The following MIPEP variants were observed in gnomAD, a reference collection of about 807,000 sequenced individuals.
MIPEP encodes the protein mitochondrial intermediate peptidase.
MIPEP carries 79 observed loss-of-function variants against 90.3 expected under a neutral mutation model. That is an observed-to-expected ratio of 0.87 (90% CI 0.73 to 1.05). MIPEP has a LOEUF of 1.05. Ranked by LOEUF, MIPEP falls within the 50% of genes least tolerant of loss-of-function variation. The pLI is 0.00. For synonymous variants in MIPEP, 334 were observed against 315.8 expected (o/e 1.06, Z -0.61); for missense variants, 940 against 905.6 (o/e 1.04, Z -0.49).
chr13:23,854,003 A>G (rs568179117), intron 10 of MIPEP, among the ~76,000 whole-genome samples: 1 of 152,228 alleles, frequency 6.6e-6, no homozygotes, highest in South Asian at 2.1e-4. Flanking sequence ...AAAACTGAAA[A>G]AAGAGACAAA....
chr13:23,865,920 C>T (rs886202531), intron 7 of MIPEP, among the ~76,000 whole-genome samples: 2 of 152,116 alleles, frequency 1.3e-5, no homozygotes, highest in African/African-American at 2.4e-5. Context: ...ATCTGCCTGC[C>T]TCAGCCTCCC....
In MIPEP at chr13:23,889,144, G is replaced by A. The variant is rs1389035870; in HGVS notation, c.177C>T (p.Phe59=). Residue 59 remains phenylalanine (F), a synonymous_variant, in exon 1 of 19, where the codon TTC becomes TTT. Transcript: ENST00000382172. ...VKPQGSRLDL[F]GERRGLFGVP... Reference sequence around the variant, plus strand: ...CTGCGCCGCTCACCCGGCGCTCGCCGAACAGGTCCAAGCGGCTGCCCTGGG... The same window carrying A: ...CTGCGCCGCTCACCCGGCGCTCGCCAAACAGGTCCAAGCGGCTGCCCTGGG... 3 of 1,439,160 alleles carry A rather than the reference G, an allele frequency of 2.1e-6. No homozygotes were observed. The highest frequency in any genetic ancestry group is 9.1e-7 in the Non-Finnish European group (1 of 1,097,216). 89.1% of individuals were successfully genotyped at this position (1,439,160 alleles called of 1,614,324 possible).
intron 11 of MIPEP, among the ~76,000 whole-genome samples, chr13:23,840,655 G>A (rs1869254070): frequency 6.6e-6 from 1 of 152,084 alleles, no homozygotes; most frequent in African/African-American, 2.4e-5. Context: ...CTCACAAGAC[G>A]TGGCCGAGAG....
At chr13:23,836,642 G>A (rs997794454) in intron 13 of MIPEP, among the ~76,000 whole-genome samples, 1 of 152,160 alleles carries the variant, frequency 6.6e-6, no homozygotes, top group Non-Finnish European at 1.5e-5. Flanking sequence ...AGCTATGCTG[G>A]CTATACATGA....
At chr13:23,775,780 G>A (rs982555595) in intron 16 of MIPEP, among the ~76,000 whole-genome samples, 1 of 152,096 alleles carries the variant, frequency 6.6e-6, no homozygotes, top group Non-Finnish European at 1.5e-5. Context: ...CAATCTCCAA[G>A]AATAAAGCAA....
At chr13:23,852,388 G>T (rs574393220) in intron 10 of MIPEP, among the ~76,000 whole-genome samples, 1 of 152,206 alleles carries the variant, frequency 6.6e-6, no homozygotes, top group Non-Finnish European at 1.5e-5. Context: ...AGACTGAGAT[G>T]ACATGAGGGC....
intron 14 of MIPEP, among the ~76,000 whole-genome samples, chr13:23,825,179 T>G (rs1330860628): frequency 6.6e-6 from 1 of 152,234 alleles, no homozygotes; most frequent in Non-Finnish European, 1.5e-5. Flanking sequence ...GGGGCCGGGC[T>G]CAGATCCATC....
At chr13:23,773,326 C>T (rs75164808) in intron 16 of MIPEP, among the ~76,000 whole-genome samples, 9,859 of 152,246 alleles carry the variant, frequency 0.065, 539 homozygotes, top group Middle Eastern at 0.092. Context: ...GACCAATTTT[C>T]CATTGAGTGG....
At chr13:23,833,219 T>A (rs2312559) in intron 14 of MIPEP, among the ~76,000 whole-genome samples, 39,325 of 152,112 alleles carry the variant, frequency 0.26, 6,389 homozygotes, top group African/African-American at 0.46. Flanking sequence ...TCCTTAAGGC[T>A]AGGACTGCAC....
chr13:23,736,596 G>A (rs760082344), intron 18 of MIPEP, among the ~76,000 whole-genome samples: 7 of 152,032 alleles, frequency 4.6e-5, no homozygotes, highest in Non-Finnish European at 1.0e-4. Context: ...GTCTTAAAAC[G>A]GCAGGGTTTC....
At chr13:23,819,615 T>C (rs1317368538) in intron 14 of MIPEP, among the ~76,000 whole-genome samples, 1 of 152,092 alleles carries the variant, frequency 6.6e-6, no homozygotes, top group Non-Finnish European at 1.5e-5. Context: ...TTCCAAAACA[T>C]CTAATCCCGA....
intron 5 of MIPEP, among the ~76,000 whole-genome samples, chr13:23,871,504 C>T (rs1333713661): frequency 6.6e-6 from 1 of 152,120 alleles, no homozygotes; most frequent in Non-Finnish European, 1.5e-5. Flanking sequence ...AGACAGGCTC[C>T]GCACTGGGCT....
intron 10 of MIPEP, among the ~76,000 whole-genome samples, chr13:23,855,389 AC>A (rs1195648186): frequency 5.3e-5 from 8 of 152,190 alleles, no homozygotes; most frequent in African/African-American, 1.9e-4. Context: ...AACATTAAAA[AC>A]TTGAAATAAA....
At chr13:23,784,693 G>A (rs1952818599) in intron 16 of MIPEP, among the ~76,000 whole-genome samples, 1 of 152,176 alleles carries the variant, frequency 6.6e-6, no homozygotes, top group South Asian at 2.1e-4. Flanking sequence ...CCATCAGAGT[G>A]AACAGGCAAC....
At chr13:23,792,287 T>C (rs1258609095) in intron 16 of MIPEP, among the ~76,000 whole-genome samples, 1 of 152,238 alleles carries the variant, frequency 6.6e-6, no homozygotes, top group Admixed American at 6.5e-5. Context: ...TACATCCAAC[T>C]ACCTATTTGA....
At position 23,839,625 on chromosome 13, in the gene MIPEP, A is replaced by C. The variant is rs781739227; in HGVS notation, c.1338+24T>G. 10 of 1,561,152 alleles carry C rather than the reference A, an allele frequency of 6.4e-6. No homozygotes were observed. The Admixed American group carries it at 1.0e-4, about 16-fold the overall frequency. On this transcript the variant is annotated intron_variant, in intron 12 of 18. Transcript: ENST00000382172. ...TGAAATGCCGATCGGTTCTAGAGAG[A>C]CCAGTTTATAAAGAAAGGATCACCT...
intron 18 of MIPEP, among the ~76,000 whole-genome samples, chr13:23,738,568 G>A (rs576192651): frequency 1.3e-5 from 2 of 150,062 alleles, no homozygotes; most frequent in South Asian, 2.1e-4. Flanking sequence ...TTCCACCTCC[G>A]CCTTCCTCAG....
chr13:23,831,625 A>G (rs371482394), intron 14 of MIPEP, among the ~76,000 whole-genome samples: 25 of 151,952 alleles, frequency 1.6e-4, no homozygotes, highest in African/African-American at 6.0e-4. Context: ...ACAAGAGGCA[A>G]CCTCGCTTCA....
rs567713935 is a variant in MIPEP, at chr13:23,730,398, C to T, written c.2092G>A (p.Val698Ile). 3.0e-5 allele frequency: 49 copies of T among 1,612,862 alleles called. No homozygotes were observed. The highest frequency in any genetic ancestry group is 1.6e-4 in the East Asian group (7 of 44,774). Residue 698 changes from valine (V) to isoleucine (I), a missense_variant, in exon 19 of 19, where the codon GTT (valine) becomes ATT (isoleucine). Val to Ile is a conservative substitution (Grantham distance 29). Transcript: ENST00000382172. Reference protein sequence around the residue: ...PSVDDFVSALVSDLDLDFETF... With the variant: ...PSVDDFVSALISDLDLDFETF... ...TCGAAGTCCAGATCCAAGTCGGAAA[C>T]GAGGGCACTTACGAAGTCATCAACA...
Sources: gnomAD v4.1 joint callset for allele counts (sites outside exome capture counted in the v4.1 genomes callset) on GRCh38, gnomAD v4.1.1 for gene constraint, MANE v1.5 for transcripts, NCBI Gene and HGNC (gene_info 2026-07-23, HGNC 2026-07-21) for gene names.